Variants in ANKRD12 observed in about 807,000 individuals in gnomAD.
ANKRD12 encodes the protein ankyrin repeat domain 12, also known as ankyrin repeat domain-containing protein 12.
Under a neutral mutation model 183.4 loss-of-function variants are expected in ANKRD12, and 85 were observed. The ratio of observed to expected loss-of-function variants is 0.46; its 90% confidence interval spans 0.39 to 0.56. The LOEUF (loss-of-function observed/expected upper bound fraction) is 0.56. ANKRD12 is among the 20% of genes least tolerant of loss of function. The pLI, the probability that ANKRD12 is intolerant of heterozygous loss-of-function variation, is 0.00. For synonymous variants in ANKRD12, 914 were observed against 800.2 expected, an observed-to-expected ratio of 1.14 and a Z score of -2.40; for missense variants, 2,405 against 2,357.1, an observed-to-expected ratio of 1.02 and a Z score of -0.42.
At position 9,256,133 on chromosome 18, in the gene ANKRD12, A is replaced by G. The variant is rs1251042516; in HGVS notation, c.2866A>G (p.Arg956Gly). 1 of 1,560,326 alleles carries G rather than the reference A, an allele frequency of 6.4e-7. No homozygotes were observed. The highest frequency in any genetic ancestry group is 8.6e-7 in the Non-Finnish European group (1 of 1,163,472). The change falls in exon 9 of 13, where the codon AGG (arginine) becomes GGG (glycine). Residue 956 changes from arginine to glycine, a missense_variant. Around this residue, in one of 7 missense-constraint regions of ANKRD12, gnomAD observed 1,983 missense variants for 1,725.9 expected, o/e 1.15. Coordinates refer to ENST00000262126, the MANE Select transcript of ANKRD12 (RefSeq NM_015208.5). ...SEKGKNKEKD[R>G]ELDKKEKSRD... ...AAAAGGCAAAAATAAAGAAAAAGAC[A>G]GGGAGCTAGATAAAAAGGAAAAATC...
chr18:9,244,279 A>C (rs1031195475), intron 8 of ANKRD12, among the ~76,000 whole-genome samples: 86 of 152,218 alleles, frequency 5.6e-4, no homozygotes, highest in African/African-American at 2.0e-3. Flanking sequence ...TATACTTTCT[A>C]TTCTTTTTCT....
chr18:9,153,434 T>C (rs2029899720), intron 1 of ANKRD12, among the ~76,000 whole-genome samples: 1 of 152,238 alleles, frequency 6.6e-6, no homozygotes, highest in South Asian at 2.1e-4. Flanking sequence ...ATCCTTTGTC[T>C]TTTTCAGTTT....
chr18:9,194,085 C>A (rs1405979886), intron 2 of ANKRD12, among the ~76,000 whole-genome samples: 1 of 152,026 alleles, frequency 6.6e-6, no homozygotes, highest in Non-Finnish European at 1.5e-5. Flanking sequence ...ATAGATTATT[C>A]TTTGGTTCCT....
At chr18:9,165,332 C>G (rs1484020202) in intron 1 of ANKRD12, among the ~76,000 whole-genome samples, 1 of 151,928 alleles carries the variant, frequency 6.6e-6, no homozygotes, top group Admixed American at 6.6e-5. Context: ...GGGGCAATGC[C>G]TTTTTTATTG....
chr18:9,189,257 G>C (rs1408308785), intron 2 of ANKRD12, among the ~76,000 whole-genome samples: 3 of 152,258 alleles, frequency 2.0e-5, no homozygotes, highest in Non-Finnish European at 4.4e-5. Context: ...CCTCAATTCT[G>C]TGAAGGCTGA....
chr18:9,201,489 A>T (rs1280920169), intron 3 of ANKRD12, among the ~76,000 whole-genome samples: 1 of 152,322 alleles, frequency 6.6e-6, no homozygotes, highest in African/African-American at 2.4e-5. Flanking sequence ...TGTTTGTCAT[A>T]CCCTGAGTTA....
chr18:9,236,782 T>C (rs2037372390), intron 8 of ANKRD12, among the ~76,000 whole-genome samples: 2 of 152,216 alleles, frequency 1.3e-5, no homozygotes, highest in Admixed American at 1.3e-4. Context: ...TGAAGTTCAC[T>C]GAGCTTCAGA....
intron 1 of ANKRD12, among the ~76,000 whole-genome samples, chr18:9,172,130 G>A (rs1028638683): frequency 8.6e-5 from 13 of 151,496 alleles, no homozygotes; most frequent in African/African-American, 2.7e-4. Flanking sequence ...TCCCTTTGTA[G>A]GTGGCCTGGC....
At chr18:9,260,153 G>T (rs1036483872) in intron 9 of ANKRD12, 6 of 152,090 alleles carry the variant, frequency 3.9e-5, no homozygotes, top group African/African-American at 1.4e-4. Flanking sequence ...TTTCCAATAT[G>T]GCTTTATCCA....
At chr18:9,253,282 C>G (rs2038407938) in intron 8 of ANKRD12, among the ~76,000 whole-genome samples, 1 of 152,282 alleles carries the variant, frequency 6.6e-6, no homozygotes, top group East Asian at 1.9e-4. Flanking sequence ...CTACTGAACA[C>G]TAGATCTAAT....
intron 8 of ANKRD12, among the ~76,000 whole-genome samples, chr18:9,227,845 A>G (rs2036812878): frequency 6.6e-6 from 1 of 152,212 alleles, no homozygotes; most frequent in South Asian, 2.1e-4. Flanking sequence ...TTTGAAATAT[A>G]CATAATACTG....
rs1403614328 is a variant in ANKRD12 at position 9,237,192 on chromosome 18, CA to C, written c.943+15197del. 2.0e-5 allele frequency among the ~76,000 whole-genome samples: 3 copies of C among 152,172 alleles called. No homozygotes were observed. The East Asian group carries it at 5.8e-4, about 29-fold the overall frequency. On this transcript the variant is annotated intron_variant, in intron 8 of 12. Coordinates refer to ENST00000262126, the MANE Select transcript of ANKRD12 (RefSeq NM_015208.5). ...TGAAAAACAGTCTAGCAACAGCTAA[CA>C]AAACTCAAGAGTCCTAGAGATACAT...
chr18:9,163,920 G>A (rs1442764422), intron 1 of ANKRD12, among the ~76,000 whole-genome samples: 1 of 152,090 alleles, frequency 6.6e-6, no homozygotes, highest in Non-Finnish European at 1.5e-5. Flanking sequence ...AGCTTAAGAC[G>A]CTTTCGGGCC....
rs1319163807 is a variant in ANKRD12 at position 9,241,718 on chromosome 18, A to G, written c.944-12493A>G. Among the ~76,000 whole-genome samples, 8 of 152,160 alleles carry G rather than the reference A, an allele frequency of 5.3e-5. No individual in the cohort carries two copies. In the East Asian group the frequency reaches 1.3e-3, roughly 26 times the overall value. ...CTTTAGTTTTCCTCCTCTGCTTTCT[A>G]ACGTATGTGGTGTGCTTTACACACA... On this transcript the variant is annotated intron_variant, in intron 8 of 12. Coordinates refer to ENST00000262126, the MANE Select transcript of ANKRD12 (RefSeq NM_015208.5).
chr18:9,201,009 G>A (rs1211911979), intron 3 of ANKRD12, among the ~76,000 whole-genome samples: 1 of 152,158 alleles, frequency 6.6e-6, no homozygotes, highest in African/African-American at 2.4e-5. Flanking sequence ...AAGGACAAAA[G>A]TGTCTTTTTC....
At chr18:9,225,911 T>C (rs2036679035) in intron 8 of ANKRD12, among the ~76,000 whole-genome samples, 1 of 152,002 alleles carries the variant, frequency 6.6e-6, no homozygotes, top group Admixed American at 6.5e-5. Flanking sequence ...TCTGTTTCCT[T>C]TATTACACTA....
chr18:9,210,547 CCT>C (rs1260555831), intron 5 of ANKRD12, among the ~76,000 whole-genome samples: 4 of 151,590 alleles, frequency 2.6e-5, no homozygotes, highest in Admixed American at 2.6e-4. Flanking sequence ...ATGGTGAAAC[CCT>C]GTCTCTACTA....
chr18:9,255,649 G>T lies in ANKRD12; in HGVS notation c.2382G>T (p.Glu794Asp), dbSNP rs1345818686. ...EFTSLGMSAI[E>D]ESIGLHLVEK... ...CTTCTTTGGGTATGAGTGCCATTGA[G>T]GAATCTATAGGGCTTCATTTAGTGG... The change falls in exon 9 of 13, where the codon GAG becomes GAT. Residue 794 changes from glutamate (E) to aspartate (D), a missense_variant. This residue lies in a region of ANKRD12 where 1,983 missense variants were observed against 1,725.9 expected (regional missense o/e 1.15). Transcript: ENST00000262126. The T allele has an allele frequency of 4.4e-6, 7 of 1,577,354 alleles. No homozygotes were observed. The African/African-American group carries it at 8.3e-5, about 19-fold the overall frequency.
chr18:9,164,759 T>C (rs185695024), intron 1 of ANKRD12, among the ~76,000 whole-genome samples: 1 of 152,250 alleles, frequency 6.6e-6, no homozygotes, highest in East Asian at 1.9e-4. Context: ...TCTAAGAGAG[T>C]TTGTTGTAAT....
Sources: gnomAD v4.1 joint callset for allele counts (sites outside exome capture counted in the v4.1 genomes callset) on GRCh38, gnomAD v4.1.1 for gene constraint, gnomAD v4.1.1 regional missense constraint, MANE v1.5 for transcripts, NCBI Gene and HGNC (gene_info 2026-07-23, HGNC 2026-07-21) for gene names.